The following CEP44 variants were observed in gnomAD, a reference collection of about 807,000 sequenced individuals.
CEP44 encodes centrosomal protein of 44 kDa.
A neutral mutation model predicts 46.7 loss-of-function variants in CEP44; 45 were observed. The observed-to-expected ratio is 0.96, with a 90% confidence interval of 0.76 to 1.24. The LOEUF is 1.24. CEP44 is among the 50% of genes most tolerant of loss of function. The pLI is 0.00. For synonymous variants in CEP44, 142 were observed against 146.0 expected (o/e 0.97, Z 0.20); for missense variants, 475 against 459.7 (o/e 1.03, Z -0.30).
upstream of CEP44, chr4:174,283,888 G>T: frequency 2.5e-6 from 1 of 398,918 alleles, no homozygotes; most frequent in South Asian, 1.3e-4. The surrounding 1 kb of genome is among the most constrained non-coding windows in gnomAD (Gnocchi z 6.7). Context: ...GTGTGGAATC[G>T]GCAGCGAGGA....
chr4:174,331,433 A>G lies in CEP44; in HGVS notation c.1087-49A>G. 1 of 1,540,784 alleles carries G rather than the reference A, an allele frequency of 6.5e-7. No individual in the cohort carries two copies. Among genetic ancestry groups the G allele is most frequent in the Non-Finnish European group, 8.8e-7 (1 of 1,140,352 alleles). On this transcript the variant is annotated intron_variant, in intron 8 of 8. Transcript: ENST00000426172. This position sits in a 1 kb window ranked among gnomAD's most constrained non-coding sequence, Gnocchi z 4.5. The stretch of plus-strand genomic sequence containing the variant: ...CTAATTCCTATCTACCCATTCTGCC[A>G]ATGCATTTAGATCATATTTTAATGT...
At position 174,297,697 on chromosome 4, in the gene CEP44, C is replaced by G. The variant is rs1252474174; in HGVS notation, c.-147-269C>G. On this transcript the variant is annotated intron_variant, in intron 1 of 11. Coordinates refer to ENST00000503780, the MANE Select transcript of CEP44 (RefSeq NM_001040157.3). This position sits in a 1 kb window ranked among gnomAD's most constrained non-coding sequence, Gnocchi z 4.3. ...GTGTGTGTGTGTGTTTTCATTAATA[C>G]TTCTTTCTGCCTTCGAACACTTCCT... is the stretch of plus-strand genomic sequence containing the variant. 6.7e-6 allele frequency among the ~76,000 whole-genome samples: 1 copy of G among 149,306 alleles called. No individual in the cohort carries two copies. The highest frequency in any genetic ancestry group is 1.5e-5 in the Non-Finnish European group (1 of 67,302).
chr4:174,304,827 T>G (rs879353751), intron 6 of CEP44, among the ~76,000 whole-genome samples: 24 of 152,214 alleles, frequency 1.6e-4, no homozygotes, highest in Non-Finnish European at 2.6e-4. Flanking sequence ...GAATCTGGTT[T>G]TCAGTTAATA....
At position 174,311,630 on chromosome 4, in the gene CEP44, G is replaced by A. The variant is rs568140705; in HGVS notation, c.961+772G>A. Among the ~76,000 whole-genome samples the A allele has an allele frequency of 6.6e-5, 10 of 152,184 alleles. No individual in the cohort carries two copies. The highest frequency in any genetic ancestry group is 1.5e-4 in the Non-Finnish European group (10 of 67,966). On this transcript the variant is annotated intron_variant, in intron 9 of 11. Coordinates refer to ENST00000503780, the MANE Select transcript of CEP44 (RefSeq NM_001040157.3). This position sits in a 1 kb window ranked among gnomAD's most constrained non-coding sequence, Gnocchi z 4.4. ...CTAGCACTAACAGTGTGCCTGGCAC[G>A]ATTCTAACTACTATATTAACTCATT...
In CEP44 at chr4:174,310,980, A is replaced by C; in HGVS notation, c.961+122A>C. 1 of 527,884 alleles carries C rather than the reference A, an allele frequency of 1.9e-6. No individual in the cohort carries two copies. The highest frequency in any genetic ancestry group is 3.3e-6 in the Non-Finnish European group (1 of 299,902). 32.7% of individuals were successfully genotyped at this position (527,884 alleles called of 1,614,324 possible). A position where few individuals can be genotyped will look rare whatever the true frequency, so the allele number is the denominator to read the frequency against. On this transcript the variant is annotated intron_variant, in intron 9 of 11. Transcript: ENST00000503780. The surrounding 1 kb of genome is among the most constrained non-coding windows in gnomAD (Gnocchi z 4.2). ...TTGCAAAGCTCCTAGAACAAAGAAC[A>C]TAATGAACCTACAGACTACTAAAGC... is the stretch of plus-strand genomic sequence containing the variant.
At chr4:174,296,449 T>G (rs1739023377) in intron 1 of CEP44, among the ~76,000 whole-genome samples, 1 of 152,236 alleles carries the variant, frequency 6.6e-6, no homozygotes, top group Non-Finnish European at 1.5e-5. Context: ...TCTATTCCAC[T>G]TTTGTGTCTT....
At chr4:174,325,085 C>T (rs1742576994), downstream of CEP44, among the ~76,000 whole-genome samples, 2 of 152,126 alleles carry the variant, frequency 1.3e-5, no homozygotes, top group Admixed American at 1.3e-4. The surrounding 1 kb of genome is among the most constrained non-coding windows in gnomAD (Gnocchi z 4.4). Context: ...AATGGTCTCT[C>T]ATCGTAGTTT....
In CEP44 at chr4:174,320,210, A is replaced by G; in HGVS notation, c.*2827A>G. 1 of 985,280 alleles carries G rather than the reference A, an allele frequency of 1.0e-6. No individual in the cohort carries two copies. Among genetic ancestry groups the G allele is most frequent in the Non-Finnish European group, 1.2e-6 (1 of 829,832 alleles). The allele number at this position is 985,280 out of a possible 1,614,324, so 61.0% of individuals were successfully genotyped here. A position where few individuals can be genotyped will look rare whatever the true frequency, so the allele number is the denominator to read the frequency against. On this transcript the variant is annotated 3_prime_UTR_variant, in exon 12 of 12. Transcript: ENST00000503780. ...TTAGCATCAACTGTATGAAAATTCT[A>G]GGTAAAGCTAAGTACTATTGAGTTG...
rs1349420803 is a variant in CEP44 at position 174,310,391 on chromosome 4, A to T, written c.885+335A>T. 6.6e-6 allele frequency among the ~76,000 whole-genome samples: 1 copy of T among 152,038 alleles called. No individual in the cohort carries two copies. On this transcript the variant is annotated intron_variant, in intron 8 of 11. Transcript: ENST00000503780. The surrounding 1 kb of genome is among the most constrained non-coding windows in gnomAD (Gnocchi z 4.2). ...TTAATAGTACAAATAACCTATTTTC[A>T]TAGGGTAGAAAAGATACAGAAGATA...
Position 174,317,577 on chromosome 4 carries a change from C to A in CEP44, c.*194C>A. ...TTTGAGCAATGATTATACTGCTTTA[C>A]CTTGTGTCACTTTTTTTTTTTTTAG... On this transcript the variant is annotated 3_prime_UTR_variant, in exon 12 of 12. Coordinates refer to ENST00000503780, the MANE Select transcript of CEP44 (RefSeq NM_001040157.3). 1 of 1,143,908 alleles carries A rather than the reference C, an allele frequency of 8.7e-7. No individual in the cohort carries two copies. The highest frequency in any genetic ancestry group is 1.1e-6 in the Non-Finnish European group (1 of 927,798). 70.9% of individuals were successfully genotyped at this position (1,143,908 alleles called of 1,614,324 possible).
At chr4:174,298,993 G>A in intron 2 of CEP44, 79 bp from the exon 3 acceptor site, 1 of 695,052 alleles carries the variant, frequency 1.4e-6, no homozygotes, top group Non-Finnish European at 2.4e-6. Context: ...AGTGCCAATA[G>A]GAGATATGAC....
rs1742004513 is a variant in CEP44, at chr4:174,318,696, C to T, written c.*1313C>T. On this transcript the variant is annotated 3_prime_UTR_variant, in exon 12 of 12. Transcript: ENST00000503780. ...TATGTATAATTCTATATTACACTGT[C>T]AAATATAAAATATTGTTATATGAGT... The T allele has an allele frequency of 1.5e-6, 1 of 671,440 alleles. No homozygotes were observed. The highest frequency in any genetic ancestry group is 2.0e-5 in the African/African-American group (1 of 50,704). The allele number at this position is 671,440 out of a possible 1,614,324, so 41.6% of individuals were successfully genotyped here.
chr4:174,313,559 G>A (rs1741337775), intron 9 of CEP44, among the ~76,000 whole-genome samples: 1 of 152,144 alleles, frequency 6.6e-6, no homozygotes, highest in South Asian at 2.1e-4. Flanking sequence ...TCTTAGGTTT[G>A]TGTTTCACAA....
chr4:174,299,162 A>AT lies in CEP44; in HGVS notation c.41_42insT (p.Glu14AspfsTer11). On this transcript the variant is annotated frameshift_variant, in exon 3 of 12. Coordinates refer to ENST00000503780, the MANE Select transcript of CEP44 (RefSeq NM_001040157.3). LOFTEE classifies it high-confidence loss of function. ...TTAAAAAGAAGCTTACGGAACCTAGAACAGGTGCTCCGCTTGCTAAATTAT... is the reference window on the plus strand; with the variant it reads ...TTAAAAAGAAGCTTACGGAACCTAGATACAGGTGCTCCGCTTGCTAAATTAT... The AT allele has an allele frequency of 6.2e-7, 1 of 1,613,840 alleles. No homozygotes were observed. The highest frequency in any genetic ancestry group is 8.5e-7 in the Non-Finnish European group (1 of 1,179,776).
rs866389361 is a variant in CEP44, at chr4:174,294,829, A to T, written c.-147-3137A>T. Among the ~76,000 whole-genome samples the T allele has an allele frequency of 3.5e-3, 432 of 121,994 alleles. 2 individuals are homozygous for T. The highest frequency in any genetic ancestry group is 7.2e-3 in the Middle Eastern group (1 of 138). The allele number at this position is 121,994 out of a possible 152,430, so 80.0% of individuals were successfully genotyped here. A position where few individuals can be genotyped will look rare whatever the true frequency, so the allele number is the denominator to read the frequency against. On this transcript the variant is annotated intron_variant, in intron 1 of 11. Coordinates refer to ENST00000503780, the MANE Select transcript of CEP44 (RefSeq NM_001040157.3). ...GCTGACCCCCCCACCTCCCTCCCGG[A>T]CGGGACGGCTGGCCGGGCGGGGGGC...
At chr4:174,292,381 T>C (rs1738335157) in intron 1 of CEP44, among the ~76,000 whole-genome samples, 1 of 152,206 alleles carries the variant, frequency 6.6e-6, no homozygotes, top group Non-Finnish European at 1.5e-5. Context: ...TTGGGCTTCG[T>C]GAGTCTGGAT....
rs1741159088 is a variant in CEP44, at chr4:174,312,191, A to G, written c.961+1333A>G. 6.6e-6 allele frequency among the ~76,000 whole-genome samples: 1 copy of G among 152,000 alleles called. No individual in the cohort carries two copies. Among genetic ancestry groups the G allele is most frequent in the African/African-American group, 2.4e-5 (1 of 41,402 alleles). On this transcript the variant is annotated intron_variant, in intron 9 of 11. Transcript: ENST00000503780. The surrounding 1 kb of genome is among the most constrained non-coding windows in gnomAD (Gnocchi z 4.5). Reference sequence around the variant, plus strand: ...TTGCCTTTTTCAAGTTTGATTTTGCATGCTCAGGCTTATTTTTTTTTAATG... The same window carrying G: ...TTGCCTTTTTCAAGTTTGATTTTGCGTGCTCAGGCTTATTTTTTTTTAATG...
chr4:174,317,909 C>G lies in CEP44; in HGVS notation c.*526C>G. ...CATGCTTGGTCAAAAACATCAATACCTTTCCAATTAACACTGAGAAATTAA... is the reference window on the plus strand; with the variant it reads ...CATGCTTGGTCAAAAACATCAATACGTTTCCAATTAACACTGAGAAATTAA... On this transcript the variant is annotated 3_prime_UTR_variant, in exon 12 of 12. Transcript: ENST00000503780. The G allele has an allele frequency of 1.0e-6, 1 of 985,440 alleles. No individual in the cohort carries two copies. Among genetic ancestry groups the G allele is most frequent in the Non-Finnish European group, 1.2e-6 (1 of 829,892 alleles). 61.0% of individuals were successfully genotyped at this position (985,440 alleles called of 1,614,324 possible). A position where few individuals can be genotyped will look rare whatever the true frequency, so the allele number is the denominator to read the frequency against.
Position 174,287,038 on chromosome 4 carries a change from A to G in CEP44, c.-148+3095A>G, listed in dbSNP as rs1478248237. Among the ~76,000 whole-genome samples the G allele has an allele frequency of 6.6e-6, 1 of 152,204 alleles. No individual in the cohort carries two copies. The highest frequency in any genetic ancestry group is 1.5e-5 in the Non-Finnish European group (1 of 68,038). On this transcript the variant is annotated intron_variant, in intron 1 of 11. Coordinates refer to ENST00000503780, the MANE Select transcript of CEP44 (RefSeq NM_001040157.3). This position sits in a 1 kb window ranked among gnomAD's most constrained non-coding sequence, Gnocchi z 5.1. ...GGAAGTAGACAGCTGGCTAACCAGC[A>G]GGAGTTTGGGACCGATGACAGTGCA...
Sources: allele counts gnomAD v4.1 joint callset (sites outside exome capture counted in the v4.1 genomes callset), GRCh38; gene constraint gnomAD v4.1.1; non-coding constraint Gnocchi (gnomAD v3.1); transcripts MANE v1.5; gene names NCBI Gene and HGNC (gene_info 2026-07-23, HGNC 2026-07-21).